The following ROR2 variants were observed in gnomAD, a reference collection of about 807,000 sequenced individuals.
ROR2 encodes ROR family WNT receptor 2, also known as tyrosine-protein kinase transmembrane receptor ROR2.
A neutral mutation model predicts 74.9 loss-of-function variants in ROR2; 33 were observed. The observed-to-expected ratio is 0.44, with a 90% CI of 0.33 to 0.59. The LOEUF (loss-of-function observed/expected upper bound fraction) is 0.59. Ranked by LOEUF, ROR2 falls within the 20% of genes least tolerant of loss-of-function variation. ROR2 has a pLI of 0.02. For missense variants in ROR2, 1,216 were observed against 1,313.8 expected, an observed-to-expected ratio of 0.93 and a Z score of 1.15; for synonymous variants, 586 against 558.7, an observed-to-expected ratio of 1.05 and a Z score of -0.69.
intron 2 of ROR2, among the ~76,000 whole-genome samples, chr9:91,766,759 G>A (rs1826070100): frequency 6.6e-6 from 1 of 152,194 alleles, no homozygotes; most frequent in South Asian, 2.1e-4. Flanking sequence ...CAATTTGCCA[G>A]GCCAAAAGGA....
At chr9:91,828,708 T>C (rs932392928) in intron 1 of ROR2, among the ~76,000 whole-genome samples, 2 of 152,188 alleles carry the variant, frequency 1.3e-5, no homozygotes, top group Non-Finnish European at 2.9e-5. Flanking sequence ...AGCAAGACCC[T>C]GTCTCAAATA....
intron 1 of ROR2, among the ~76,000 whole-genome samples, chr9:91,934,156 C>G (rs1055707120): frequency 6.6e-6 from 1 of 152,100 alleles, no homozygotes; most frequent in African/African-American, 2.4e-5. Context: ...TTCAATCACA[C>G]CCTTCTCAGT....
intron 1 of ROR2, among the ~76,000 whole-genome samples, chr9:91,826,568 T>G (rs893048360): frequency 3.9e-5 from 6 of 151,956 alleles, no homozygotes; most frequent in Admixed American, 1.3e-4. Context: ...GATCACAAGG[T>G]CAGGAGATCG....
intron 1 of ROR2, among the ~76,000 whole-genome samples, chr9:91,843,984 CA>C (rs1828854649): frequency 2.0e-5 from 3 of 152,344 alleles, no homozygotes; most frequent in African/African-American, 7.2e-5. Flanking sequence ...CGGGGCCTTT[CA>C]ACAGCCACTC....
intron 1 of ROR2, among the ~76,000 whole-genome samples, chr9:91,914,585 C>A (rs1476519423): frequency 6.6e-6 from 1 of 152,198 alleles, no homozygotes; most frequent in Non-Finnish European, 1.5e-5. Flanking sequence ...CTCCAGGGAT[C>A]ACACCAGCTA....
chr9:91,742,485 TAAAAGAACTAA>T (rs1427515772), intron 4 of ROR2, among the ~76,000 whole-genome samples: 2 of 152,052 alleles, frequency 1.3e-5, no homozygotes, highest in Non-Finnish European at 2.9e-5. Flanking sequence ...ATGGAAACTA[TAAAAGAACTAA>T]ACAGGAAGCC....
intron 1 of ROR2, among the ~76,000 whole-genome samples, chr9:91,776,143 A>G (rs111334806): frequency 1.3e-3 from 198 of 152,312 alleles, no homozygotes; most frequent in African/African-American, 4.3e-3. Flanking sequence ...AAAGAAACCA[A>G]AGCACTGGCT....
chr9:91,726,754 TAA>T lies in ROR2; in HGVS notation c.1184-13_1184-12del, dbSNP rs766835067. On this transcript the variant is annotated splice_polypyrimidine_tract_variant and intron_variant, in intron 7 of 8. Transcript: ENST00000375708. Reference sequence around the variant, plus strand: ...TGCTGTCTCGGGGACCTGTGAACAATAAGGCTTTCGTGATTTTTCAGAAAACA... The same window carrying T: ...TGCTGTCTCGGGGACCTGTGAACAATGGCTTTCGTGATTTTTCAGAAAACA... The T allele has an allele frequency of 6.2e-7, 1 of 1,613,514 alleles. No homozygotes were observed. The highest frequency in any genetic ancestry group is 8.5e-7 in the Non-Finnish European group (1 of 1,179,788).
intron 1 of ROR2, among the ~76,000 whole-genome samples, chr9:91,907,130 A>C (rs1830840315): frequency 6.6e-6 from 1 of 152,162 alleles, no homozygotes; most frequent in Non-Finnish European, 1.5e-5. Flanking sequence ...CAGCGTATGA[A>C]ATCCGTTAAA....
chr9:91,813,249 T>A (rs1382191089), intron 1 of ROR2, among the ~76,000 whole-genome samples: 1 of 152,198 alleles, frequency 6.6e-6, no homozygotes, highest in Non-Finnish European at 1.5e-5. Flanking sequence ...CCTTCTACAG[T>A]TGACATCACT....
chr9:91,852,305 C>A (rs1325043981), intron 1 of ROR2, among the ~76,000 whole-genome samples: 1 of 152,174 alleles, frequency 6.6e-6, no homozygotes, highest in African/African-American at 2.4e-5. Flanking sequence ...TATCATTTTA[C>A]AAAATGTATA....
intron 1 of ROR2, among the ~76,000 whole-genome samples, chr9:91,939,541 T>C (rs1831793797): frequency 6.6e-6 from 1 of 152,188 alleles, no homozygotes; most frequent in African/African-American, 2.4e-5. Context: ...AACTGGGGCG[T>C]TCATCTTTTT....
chr9:91,727,470 A>G (rs1309904830), intron 7 of ROR2, among the ~76,000 whole-genome samples: 1 of 151,926 alleles, frequency 6.6e-6, no homozygotes, highest in Non-Finnish European at 1.5e-5. Flanking sequence ...ACAGAAAGGT[A>G]CAGGGGGCAC....
intron 1 of ROR2, among the ~76,000 whole-genome samples, chr9:91,927,562 C>CTTTTTTTTTTTTTTTTTTTTTTTTTTT (rs775823582): frequency 1.1e-5 from 1 of 94,944 alleles, no homozygotes; most frequent in Non-Finnish European, 2.0e-5. Flanking sequence ...TTTCTAGATT[C>CTTTTTTTTTTTTTTTTTTTTTTTTTTT]TTTTTTTTTT....
At position 91,733,088 on chromosome 9, in the gene ROR2, C is replaced by T. The variant is rs964171655; in HGVS notation, c.937+34G>A. The T allele has an allele frequency of 1.5e-5, 23 of 1,550,700 alleles. No individual in the cohort carries two copies. The highest frequency in any genetic ancestry group is 1.8e-5 in the Non-Finnish European group (21 of 1,150,914). On this transcript the variant is annotated intron_variant, in intron 6 of 8. Transcript: ENST00000375708. The surrounding 1 kb of genome is among the most constrained non-coding windows in gnomAD (Gnocchi z 5.7). The stretch of plus-strand genomic sequence containing the variant: ...TTCAAGGGCCCTACACTCCCTGCGC[C>T]CCCCGGTCCCGCCCCGGGCCCTCGG...
Position 91,733,205 on chromosome 9 carries a change from T to C in ROR2, c.854A>G (p.Lys285Arg), listed in dbSNP as rs768848657. ...PLILMRLQLP[K>R]CEALPMPESP... is the part of the protein sequence containing the mutation. Reference sequence around the variant, plus strand: ...CTCAGGCATGGGCAGCGCCTCACACTTGGGCAGCTGAAGCCGCATGAGGAT... The same window carrying C: ...CTCAGGCATGGGCAGCGCCTCACACCTGGGCAGCTGAAGCCGCATGAGGAT... The change falls in exon 6 of 9, where the codon AAG becomes AGG. Residue 285 changes from lysine to arginine, a missense_variant. Lys to Arg is a conservative substitution (Grantham distance 26). Coordinates refer to ENST00000375708, the MANE Select transcript of ROR2 (RefSeq NM_004560.4). The surrounding 1 kb of genome is among the most constrained non-coding windows in gnomAD (Gnocchi z 5.7). 24 of 1,611,664 alleles carry C rather than the reference T, an allele frequency of 1.5e-5. No individual in the cohort carries two copies. In the South Asian group the frequency reaches 2.6e-4, roughly 18 times the overall value.
At chr9:91,810,594 ACACCTCAGTAAATTC>A (rs1226830168) in intron 1 of ROR2, among the ~76,000 whole-genome samples, 10 of 152,164 alleles carry the variant, frequency 6.6e-5, no homozygotes, top group Non-Finnish European at 5.9e-5. Flanking sequence ...AGCGGCAGCA[ACACCTCAGTAAATTC>A]CACCTCAGAC....
intron 1 of ROR2, among the ~76,000 whole-genome samples, chr9:91,834,521 A>G (rs561106420): frequency 1.3e-5 from 2 of 152,232 alleles, no homozygotes; most frequent in Non-Finnish European, 2.9e-5. Flanking sequence ...TATGCATGGA[A>G]TAGCTGGGAC....
chr9:91,925,655 G>A (rs1343676100), intron 1 of ROR2, among the ~76,000 whole-genome samples: 1 of 152,164 alleles, frequency 6.6e-6, no homozygotes, highest in Non-Finnish European at 1.5e-5. Context: ...TTGGATGGCA[G>A]AAAACCAACA....
Sources: allele counts gnomAD v4.1 joint callset (sites outside exome capture counted in the v4.1 genomes callset), GRCh38; gene constraint gnomAD v4.1.1; non-coding constraint Gnocchi (gnomAD v3.1); transcripts MANE v1.5; gene names NCBI Gene and HGNC (gene_info 2026-07-23, HGNC 2026-07-21).